ARSF: variants seen among roughly 807,000 people sequenced by gnomAD.
ARSF encodes arylsulfatase F.
A neutral mutation model predicts 35.4 loss-of-function variants in ARSF; 33 were observed. The ratio of observed to expected loss-of-function variants is 0.93; its 90% CI spans 0.71 to 1.25. ARSF has a LOEUF of 1.25. ARSF is among the 50% of genes most tolerant of loss of function. The pLI is 0.00. For missense variants in ARSF, 501 were observed against 480.2 expected (o/e 1.04, Z -0.40); for synonymous variants, 222 against 193.1 (o/e 1.15, Z -1.24).
chrX:3,040,434 G>A (rs2089950776), upstream of ARSF, among the ~76,000 whole-genome samples: 1 of 110,581 alleles, frequency 9.0e-6, no homozygotes, highest in African/African-American at 3.3e-5. Flanking sequence ...TTTTCTCCTA[G>A]GAAGTTGTTG....
chrX:3,046,156 G>T (rs1417080545), intron 1 of ARSF, among the ~76,000 whole-genome samples: 1 of 111,822 alleles, frequency 8.9e-6, no homozygotes, highest in East Asian at 2.8e-4. Flanking sequence ...AGAGTGCTGA[G>T]ATTACAGGCG....
In ARSF at chrX:3,103,892, A is replaced by G. The variant is rs760725711; in HGVS notation, c.1233A>G (p.Ala411=). The G allele has an allele frequency of 1.3e-5, 16 of 1,209,732 alleles. No individual in the cohort carries two copies. In the African/African-American group the frequency reaches 1.9e-4, roughly 15 times the overall value. The change falls in exon 9 of 11, where the codon GCA becomes GCG. Residue 411 remains alanine (A), a synonymous_variant. Transcript: ENST00000381127. The stretch of plus-strand genomic sequence containing the variant: ...TAATGGATATTTTACCAACTGTCGC[A>G]TCAGTGTCAGGAGGAAGTCTCCCTC... The part of the protein sequence containing the change: ...TSLMDILPTV[A]SVSGGSLPQD...
rs200399521 is a variant in ARSF, at chrX:3,062,178, T to C, written c.-28-5895T>C. Among the ~76,000 whole-genome samples, 3 of 112,256 alleles carry C rather than the reference T, an allele frequency of 2.7e-5. No homozygotes were observed. In the East Asian group the frequency reaches 8.3e-4, roughly 31 times the overall value. On this transcript the variant is annotated intron_variant, in intron 1 of 10. Coordinates refer to ENST00000381127, the MANE Select transcript of ARSF (RefSeq NM_001201539.2). ...CAAAACTGCTCAACTACATGGAAAC[T>C]GAACAACCTGCTCCTGAATGACTAC...
intron 8 of ARSF, among the ~76,000 whole-genome samples, chrX:3,103,557 CTTAG>C (rs1312656817): frequency 3.6e-5 from 4 of 111,684 alleles, no homozygotes; most frequent in Non-Finnish European, 5.6e-5. Context: ...ATTACATATG[CTTAG>C]TTATTTAATC....
chrX:3,093,592 T>C (rs777574527), intron 7 of ARSF, among the ~76,000 whole-genome samples: 1 of 112,431 alleles, frequency 8.9e-6, no homozygotes, highest in South Asian at 3.7e-4. Context: ...TGTGATTTTG[T>C]TCTTTTTTAT....
At chrX:3,109,093 G>A (rs1041942026) in intron 9 of ARSF, among the ~76,000 whole-genome samples, 5 of 111,214 alleles carry the variant, frequency 4.5e-5, no homozygotes, top group Non-Finnish European at 9.4e-5. Context: ...GCCGAGGTGG[G>A]TGGATCCCCT....
At chrX:3,084,893 C>G (rs1403873091) in intron 6 of ARSF, among the ~76,000 whole-genome samples, 2 of 111,642 alleles carry the variant, frequency 1.8e-5, no homozygotes, top group Non-Finnish European at 3.8e-5. Flanking sequence ...TGTAATAATT[C>G]TTTACAAATT....
At chrX:3,072,948 T>C (rs1277110966) in intron 3 of ARSF, among the ~76,000 whole-genome samples, 1 of 102,191 alleles carries the variant, frequency 9.8e-6, no homozygotes, top group Non-Finnish European at 1.9e-5. Context: ...TACTAATATA[T>C]ATGAATATGT....
chrX:3,079,213 G>A (rs1261882295), intron 4 of ARSF, among the ~76,000 whole-genome samples: 1 of 111,440 alleles, frequency 9.0e-6, no homozygotes, highest in Non-Finnish European at 1.9e-5. Context: ...GTGATTGTGA[G>A]GAATACAACT....
chrX:3,089,459 T>A (rs2090272597), intron 6 of ARSF, 37 bp from the exon 7 acceptor site: 2 of 1,201,246 alleles, frequency 1.7e-6, no homozygotes, highest in African/African-American at 3.5e-5. Context: ...TCATAGATAT[T>A]GAAAACTCAC....
intron 9 of ARSF, among the ~76,000 whole-genome samples, chrX:3,108,936 A>G (rs1013712882): frequency 9.0e-5 from 10 of 111,320 alleles, no homozygotes; most frequent in Non-Finnish European, 1.9e-4. Context: ...GAATTGCTTG[A>G]ACCTGGGAGA....
intron 5 of ARSF, 38 bp from the exon 6 acceptor site, chrX:3,084,205 A>G (rs1002674820): frequency 8.4e-7 from 1 of 1,193,444 alleles, no homozygotes; most frequent in Non-Finnish European, 1.1e-6. Flanking sequence ...ATATGTTGAC[A>G]TATTGATGCG....
At chrX:3,098,536 A>T (rs2090354241) in intron 7 of ARSF, among the ~76,000 whole-genome samples, 1 of 110,631 alleles carries the variant, frequency 9.0e-6, no homozygotes, top group Non-Finnish European at 1.9e-5. Flanking sequence ...AATAAGTCTC[A>T]TGAGATCTGA....
chrX:3,074,200 G>A (rs934219634), intron 3 of ARSF, among the ~76,000 whole-genome samples: 3 of 111,262 alleles, frequency 2.7e-5, no homozygotes, highest in Non-Finnish European at 5.7e-5. Flanking sequence ...CAGAGAGTAT[G>A]TTAGCGTGGG....
chrX:3,068,113 T>C lies in ARSF; in HGVS notation c.11+2T>C. ...TCCAAGCTGCACAATGAGGCCCAGGTAGGTAAAGCCATATACTGCATTGTG... is the reference window on the plus strand; with the variant it reads ...TCCAAGCTGCACAATGAGGCCCAGGCAGGTAAAGCCATATACTGCATTGTG... On this transcript the variant is annotated splice_donor_variant, in intron 2 of 10. Coordinates refer to ENST00000381127, the MANE Select transcript of ARSF (RefSeq NM_001201539.2). LOFTEE classifies it high-confidence loss of function. 8.3e-7 allele frequency: 1 copy of C among 1,201,479 alleles called. No homozygotes were observed. Among genetic ancestry groups the C allele is most frequent in the South Asian group, 1.8e-5 (1 of 55,254 alleles).
chrX:3,079,840 T>A (rs993299571), intron 4 of ARSF, among the ~76,000 whole-genome samples: 4 of 105,731 alleles, frequency 3.8e-5, no homozygotes, highest in Non-Finnish European at 7.7e-5. Context: ...ATACCTGTAA[T>A]CCCAGCTACT....
chrX:3,087,448 C>G (rs1333152326), intron 6 of ARSF, among the ~76,000 whole-genome samples: 1 of 109,860 alleles, frequency 9.1e-6, no homozygotes, highest in Non-Finnish European at 1.9e-5. Context: ...ATGGCCTTCC[C>G]CTCTGTGTTT....
chrX:3,074,950 T>C (rs893600746), intron 3 of ARSF, among the ~76,000 whole-genome samples: 1 of 112,071 alleles, frequency 8.9e-6, no homozygotes, highest in African/African-American at 3.2e-5. Context: ...GCGGTATTTG[T>C]CTCTCTGTGC....
At chrX:3,058,910 T>C (rs1406421860) in intron 1 of ARSF, among the ~76,000 whole-genome samples, 1 of 111,465 alleles carries the variant, frequency 9.0e-6, no homozygotes, top group Non-Finnish European at 1.9e-5. Context: ...AAACCAAGAT[T>C]TTACCATGAG....
Sources: allele counts gnomAD v4.1 joint callset (sites outside exome capture counted in the v4.1 genomes callset), GRCh38; gene constraint gnomAD v4.1.1; transcripts MANE v1.5; gene names NCBI Gene and HGNC (gene_info 2026-07-23, HGNC 2026-07-21).